Variants in KANSL1 observed in about 807,000 individuals in gnomAD.
KANSL1 encodes KAT8 regulatory NSL complex subunit 1, also known as MLL1/MLL complex subunit KANSL1.
A neutral mutation model predicts 103.6 loss-of-function variants in KANSL1; 22 were observed. That is an observed-to-expected ratio of 0.21 (90% CI 0.15 to 0.30). The LOEUF (loss-of-function observed/expected upper bound fraction) is 0.30, where lower values mean the gene tolerates loss of function less well. KANSL1 is among the 10% of genes least tolerant of loss of function. KANSL1 has a pLI of 1.00. For synonymous variants in KANSL1, 600 were observed against 527.6 expected, an observed-to-expected ratio of 1.14 and a Z score of -1.88; for missense variants, 1,337 against 1,399.8, an observed-to-expected ratio of 0.96 and a Z score of 0.72.
At chr17:46,162,082 CTTA>C (rs976247037) in intron 2 of KANSL1, among the ~76,000 whole-genome samples, 5 of 152,228 alleles carry the variant, frequency 3.3e-5, no homozygotes, top group Admixed American at 2.6e-4. Flanking sequence ...AAGATTTATT[CTTA>C]TGTTTACTAT....
intron 6 of KANSL1, among the ~76,000 whole-genome samples, chr17:46,061,964 T>C (rs542910361): frequency 1.3e-5 from 2 of 151,526 alleles, no homozygotes; most frequent in East Asian, 3.9e-4. Flanking sequence ...TCGTCGTGGG[T>C]GCCTGTGATC....
intron 4 of KANSL1, among the ~76,000 whole-genome samples, chr17:46,077,372 A>T (rs1309339671): frequency 2.6e-5 from 4 of 151,828 alleles, no homozygotes; most frequent in Non-Finnish European, 5.9e-5. Context: ...TTTAGGATAT[A>T]TTTTTTTCCT....
intron 2 of KANSL1, among the ~76,000 whole-genome samples, chr17:46,096,302 C>CA (rs2042061664): frequency 1.2e-5 from 1 of 82,566 alleles, no homozygotes. Context: ...ACATACCTGG[C>CA]TTTTTTTTCT....
chr17:46,156,298 G>C (rs1038055821), intron 2 of KANSL1, among the ~76,000 whole-genome samples: 2 of 152,196 alleles, frequency 1.3e-5, no homozygotes, highest in Admixed American at 6.5e-5. Context: ...AGTGAGCCGA[G>C]ATGGCACCAC....
chr17:46,095,523 A>AT (rs1222831342), intron 2 of KANSL1, among the ~76,000 whole-genome samples: 2 of 152,218 alleles, frequency 1.3e-5, no homozygotes, highest in Admixed American at 1.3e-4. Flanking sequence ...ACTACTCAAT[A>AT]AATAGTACTA....
intron 1 of KANSL1, among the ~76,000 whole-genome samples, chr17:46,180,241 A>G (rs2046719874): frequency 1.3e-5 from 2 of 152,102 alleles, no homozygotes; most frequent in African/African-American, 4.8e-5. Flanking sequence ...CACGCCTGCA[A>G]TCCCCGCACT....
chr17:46,116,069 TATAA>T (rs1424485866), intron 2 of KANSL1, among the ~76,000 whole-genome samples: 2 of 152,234 alleles, frequency 1.3e-5, no homozygotes, highest in Admixed American at 6.5e-5. Context: ...CCAAGCCTCT[TATAA>T]ATAAGTCAAC....
rs35095455 is a variant in KANSL1, at chr17:46,172,545, T to TA, written c.-89-314dup. On this transcript the variant is annotated intron_variant, in intron 1 of 14. Transcript: ENST00000432791. ...ATTGTTAAAATTAAATCATCTCCAT[T>TA]AAAAAAAAATCTCTTTAAGCTTGTT... 0.14 allele frequency among the ~76,000 whole-genome samples: 21,925 copies of TA among 151,272 alleles called. 2,127 individuals carry two copies. The highest frequency in any genetic ancestry group is 0.22 in the Non-Finnish European group (14,805 of 67,782).
chr17:46,036,286 C>G (rs2146339755), intron 10 of KANSL1, among the ~76,000 whole-genome samples: 3 of 152,260 alleles, frequency 2.0e-5, no homozygotes, highest in Middle Eastern at 6.8e-3. Flanking sequence ...CAGCTACTGG[C>G]TTTTGGGAAG....
chr17:46,130,448 A>G (rs2043810166), intron 2 of KANSL1, among the ~76,000 whole-genome samples: 2 of 152,246 alleles, frequency 1.3e-5, no homozygotes, highest in Non-Finnish European at 2.9e-5. Context: ...TTGAGCCTTC[A>G]TGTTAACACG....
intron 2 of KANSL1, among the ~76,000 whole-genome samples, chr17:46,135,527 T>C (rs1003407667): frequency 2.0e-5 from 3 of 148,548 alleles, no homozygotes; most frequent in Middle Eastern, 6.9e-3. Flanking sequence ...CAGATTTTTT[T>C]CCCCTCAACT....
At chr17:46,070,840 G>GT (rs2078549816) in intron 4 of KANSL1, among the ~76,000 whole-genome samples, 1 of 152,146 alleles carries the variant, frequency 6.6e-6, no homozygotes, top group South Asian at 2.1e-4. Context: ...CTACGTTTAA[G>GT]TAACGGGTTG....
At chr17:46,163,673 G>A (rs1218488272) in intron 2 of KANSL1, among the ~76,000 whole-genome samples, 2 of 152,174 alleles carry the variant, frequency 1.3e-5, no homozygotes, top group African/African-American at 4.8e-5. Flanking sequence ...ACCATCTATT[G>A]CTGTAGTCAG....
intron 2 of KANSL1, among the ~76,000 whole-genome samples, chr17:46,132,420 G>T (rs1358176027): frequency 2.0e-5 from 3 of 152,126 alleles, no homozygotes; most frequent in African/African-American, 7.2e-5. Context: ...TGTTGGCAGG[G>T]GCCTTTCAAT....
At chr17:46,208,366 C>T (rs557144491) in intron 1 of KANSL1, among the ~76,000 whole-genome samples, 1 of 152,200 alleles carries the variant, frequency 6.6e-6, no homozygotes, top group South Asian at 2.1e-4. Flanking sequence ...AATCCCAGCA[C>T]TTTGGAAGGT....
At chr17:46,214,427 G>GT (rs1410663852) in intron 1 of KANSL1, among the ~76,000 whole-genome samples, 1 of 152,236 alleles carries the variant, frequency 6.6e-6, no homozygotes, top group Non-Finnish European at 1.5e-5. Context: ...GCTGAGGGGG[G>GT]TGGATCACCT....
At chr17:46,100,444 C>CAAAAAAAAAAAAAAA (rs369274727) in intron 2 of KANSL1, among the ~76,000 whole-genome samples, 3 of 88,262 alleles carry the variant, frequency 3.4e-5, no homozygotes, top group Non-Finnish European at 7.1e-5. Context: ...TCCCTCTCCC[C>CAAAAAAAAAAAAAAA]AAAAAAAAAA....
At chr17:46,175,200 T>C (rs1319265390) in intron 1 of KANSL1, among the ~76,000 whole-genome samples, 1 of 152,172 alleles carries the variant, frequency 6.6e-6, no homozygotes, top group Non-Finnish European at 1.5e-5. Context: ...AGTAAGCTTC[T>C]TTATAGTATG....
At chr17:46,089,885 A>G (rs2079316702) in intron 3 of KANSL1, among the ~76,000 whole-genome samples, 2 of 152,230 alleles carry the variant, frequency 1.3e-5, no homozygotes, top group South Asian at 4.1e-4. Flanking sequence ...TATTAATTAT[A>G]GTGTTACATA....
Sources: allele counts gnomAD v4.1 joint callset (sites outside exome capture counted in the v4.1 genomes callset), GRCh38; gene constraint gnomAD v4.1.1; transcripts MANE v1.5; gene names NCBI Gene and HGNC (gene_info 2026-07-23, HGNC 2026-07-21).